The following EPB41L4B variants were observed in gnomAD, a reference collection of about 807,000 sequenced individuals.
The protein encoded by EPB41L4B is band 4.1-like protein 4B.
A neutral mutation model predicts 112.5 loss-of-function variants in EPB41L4B; 30 were observed. That is an observed-to-expected ratio of 0.27 (90% CI 0.20 to 0.36). The LOEUF (loss-of-function observed/expected upper bound fraction) is 0.36. EPB41L4B is among the 10% of genes least tolerant of loss of function. The probability of loss-of-function intolerance (pLI) is 1.00; values close to 1 mark genes in which losing one functional copy is unlikely to be tolerated. For synonymous variants in EPB41L4B, 408 were observed against 439.7 expected, an observed-to-expected ratio of 0.93 and a Z score of 0.90; for missense variants, 1,024 against 1,133.3, an observed-to-expected ratio of 0.90 and a Z score of 1.38.
chr9:109,254,477 TG>T (rs1050338044), intron 11 of EPB41L4B, among the ~76,000 whole-genome samples: 1 of 146,592 alleles, frequency 6.8e-6, no homozygotes, highest in Non-Finnish European at 1.5e-5. Context: ...ACATTTGAAA[TG>T]AGCAAATCTT....
chr9:109,200,981 A>G (rs772946296), intron 19 of EPB41L4B, among the ~76,000 whole-genome samples: 11 of 152,192 alleles, frequency 7.2e-5, no homozygotes, highest in Non-Finnish European at 1.5e-4. Flanking sequence ...AAAATTTTTA[A>G]TGCATTTTTG....
chr9:109,288,111 C>A (rs1416396942), intron 1 of EPB41L4B, among the ~76,000 whole-genome samples: 1 of 152,266 alleles, frequency 6.6e-6, no homozygotes, highest in Admixed American at 6.5e-5. Context: ...CAGGCCCCGT[C>A]ACTAGGGCTC....
chr9:109,315,385 GA>G (rs1837594267), intron 1 of EPB41L4B, among the ~76,000 whole-genome samples: 2 of 151,886 alleles, frequency 1.3e-5, no homozygotes, highest in South Asian at 2.1e-4. Context: ...TTTAATGGAA[GA>G]AAAAAAATCC....
chr9:109,253,334 G>A (rs1834863056), intron 12 of EPB41L4B, 107 bp downstream of exon 12: 1 of 755,484 alleles, frequency 1.3e-6, no homozygotes, highest in Admixed American at 2.3e-5. Flanking sequence ...GCTCCAGACT[G>A]GAGAACTGCG....
At chr9:109,264,283 G>A (rs1022146914) in intron 5 of EPB41L4B, among the ~76,000 whole-genome samples, 2 of 152,126 alleles carry the variant, frequency 1.3e-5, no homozygotes, top group Non-Finnish European at 2.9e-5. Context: ...AAATCAGAAC[G>A]TATTCTTTTC....
chr9:109,295,267 T>C (rs1275871053), intron 1 of EPB41L4B, among the ~76,000 whole-genome samples: 1 of 152,228 alleles, frequency 6.6e-6, no homozygotes, highest in Non-Finnish European at 1.5e-5. Flanking sequence ...AGCTAAGTTC[T>C]TAGCTTTGAA....
intron 24 of EPB41L4B, among the ~76,000 whole-genome samples, chr9:109,181,849 A>C (rs1165355667): frequency 1.3e-5 from 2 of 151,966 alleles, no homozygotes; most frequent in African/African-American, 2.4e-5. Flanking sequence ...CAATCCCAAA[A>C]CCCCCAATAA....
chr9:109,229,708 T>C (rs1287508493), intron 15 of EPB41L4B, among the ~76,000 whole-genome samples: 2 of 152,198 alleles, frequency 1.3e-5, no homozygotes, highest in Non-Finnish European at 2.9e-5. Context: ...ACATTGGGGA[T>C]AAGCTGACAA....
Position 109,320,997 on chromosome 9 carries a change from G to C in EPB41L4B, c.-551C>G, listed in dbSNP as rs1294880784. 1 of 180,884 alleles carries C rather than the reference G, an allele frequency of 5.5e-6. No individual in the cohort carries two copies. Among genetic ancestry groups the C allele is most frequent in the African/African-American group, 2.4e-5 (1 of 41,420 alleles). The allele number at this position is 180,884 out of a possible 1,614,324, so 11.2% of individuals were successfully genotyped here. Reference sequence around the variant, plus strand: ...GCAGCCCCCGCCTCCCACCTGGGAGGCTGCACCTCCAGCCGCCGCCGCCGC... The same window carrying C: ...GCAGCCCCCGCCTCCCACCTGGGAGCCTGCACCTCCAGCCGCCGCCGCCGC... On this transcript the variant is annotated 5_prime_UTR_variant, in exon 1 of 26. Coordinates refer to ENST00000374566, the MANE Select transcript of EPB41L4B (RefSeq NM_019114.5).
At chr9:109,245,743 C>T (rs562540201) in intron 14 of EPB41L4B, among the ~76,000 whole-genome samples, 1 of 152,334 alleles carries the variant, frequency 6.6e-6, no homozygotes, top group South Asian at 2.1e-4. Flanking sequence ...GCCAATCAGG[C>T]CACTTCTCAG....
intron 6 of EPB41L4B, among the ~76,000 whole-genome samples, chr9:109,259,520 C>T (rs1835121026): frequency 2.0e-5 from 3 of 152,338 alleles, no homozygotes; most frequent in Middle Eastern, 3.4e-3. Flanking sequence ...AGCCAGGCCT[C>T]AGCTCTAGGA....
intron 23 of EPB41L4B, 56 bp downstream of exon 23, chr9:109,185,433 G>A (rs1237180681): frequency 1.3e-6 from 2 of 1,502,488 alleles, no homozygotes; most frequent in African/African-American, 1.4e-5. Context: ...TCGCCTGGTG[G>A]CTCCTGCCCA....
rs368170352 is a variant in EPB41L4B, at chr9:109,200,207, A to C, written c.2045+29T>G. Reference sequence around the variant, plus strand: ...AACAATTAGTCATCATAGTTGTTTTAATTGAAAAAGTTGCAGTACAGAACT... The same window carrying C: ...AACAATTAGTCATCATAGTTGTTTTCATTGAAAAAGTTGCAGTACAGAACT... On this transcript the variant is annotated intron_variant, in intron 20 of 25. Coordinates refer to ENST00000374566, the MANE Select transcript of EPB41L4B (RefSeq NM_019114.5). The C allele has an allele frequency of 3.8e-6, 6 of 1,564,312 alleles. No individual in the cohort carries two copies. The African/African-American group carries it at 6.8e-5, about 18-fold the overall frequency.
intron 15 of EPB41L4B, chr9:109,239,905 C>T: frequency 2.0e-6 from 2 of 985,500 alleles, no homozygotes; most frequent in South Asian, 4.7e-5. Context: ...TCTCTCTACT[C>T]AGCACCTGTG....
chr9:109,317,018 T>C (rs1414021893), intron 1 of EPB41L4B, among the ~76,000 whole-genome samples: 6 of 152,038 alleles, frequency 3.9e-5, no homozygotes, highest in Admixed American at 1.3e-4. Context: ...GGTGGGAGGA[T>C]TGCTTGCGGC....
rs148614842 is a variant in EPB41L4B, at chr9:109,305,075, C to T, written c.306+15066G>A. 7.0e-3 allele frequency among the ~76,000 whole-genome samples: 1,058 copies of T among 152,026 alleles called. 11 individuals carry two copies. The highest frequency in any genetic ancestry group is 0.024 in the African/African-American group (1,015 of 41,456). On this transcript the variant is annotated intron_variant, in intron 1 of 25. Coordinates refer to ENST00000374566, the MANE Select transcript of EPB41L4B (RefSeq NM_019114.5). The stretch of plus-strand genomic sequence containing the variant: ...GCAAAAACTAAAAAGGTCAATAATG[C>T]CATCTATTGCTTGAATTACTACATA...
rs575648479 is a variant in EPB41L4B, at chr9:109,235,558, C to T, written c.1409+8060G>A. ...CTACACAGGCACACACCACCACGCC[C>T]GGCTAGTTTTTGCATTTTTAGTGGA... On this transcript the variant is annotated intron_variant, in intron 15 of 25. Transcript: ENST00000374566. 7.2e-5 allele frequency among the ~76,000 whole-genome samples: 11 copies of T among 152,040 alleles called. No homozygotes were observed. The East Asian group carries it at 1.2e-3, about 16-fold the overall frequency.
intron 20 of EPB41L4B, among the ~76,000 whole-genome samples, chr9:109,196,954 TTATTCCAGCCTAGGAACTAGAAA>T (rs1832663720): frequency 6.6e-6 from 1 of 152,216 alleles, no homozygotes; most frequent in African/African-American, 2.4e-5. Flanking sequence ...TGACTACACC[TTATTCCAGCCTAGGAACTAGAAA>T]TATTACAACA....
chr9:109,220,626 A>G (rs1833540769), intron 15 of EPB41L4B, among the ~76,000 whole-genome samples: 1 of 152,212 alleles, frequency 6.6e-6, no homozygotes, highest in African/African-American at 2.4e-5. Context: ...TTGCAGATGC[A>G]GGAGACAGTC....
Sources: gnomAD v4.1 joint callset for allele counts (sites outside exome capture counted in the v4.1 genomes callset) on GRCh38, gnomAD v4.1.1 for gene constraint, MANE v1.5 for transcripts, NCBI Gene and HGNC (gene_info 2026-07-23, HGNC 2026-07-21) for gene names.